The following DAB1 variants were observed in gnomAD, a reference collection of about 807,000 sequenced individuals.
DAB1 encodes the protein disabled homolog 1.
Under a neutral mutation model 64.6 loss-of-function variants are expected in DAB1, and 15 were observed. The observed-to-expected ratio is 0.23, with a 90% confidence interval of 0.16 to 0.36. The LOEUF (loss-of-function observed/expected upper bound fraction) is 0.36. Ranked by LOEUF, DAB1 falls within the 10% of genes least tolerant of loss-of-function variation. The pLI is 1.00. For missense variants in DAB1, 596 were observed against 706.7 expected (o/e 0.84, Z 1.78); for synonymous variants, 235 against 251.9 (o/e 0.93, Z 0.64).
At chr1:58,527,689 T>C (rs747692752) in intron 1 of DAB1, among the ~76,000 whole-genome samples, 2 of 152,212 alleles carry the variant, frequency 1.3e-5, no homozygotes, top group Non-Finnish European at 2.9e-5. Context: ...AGGAATATTT[T>C]GACCTTGAGT....
In DAB1 at chr1:58,497,518, C is replaced by A. The variant is rs573115853; in HGVS notation, n.257+8542G>T. Among the ~76,000 whole-genome samples the A allele has an allele frequency of 3.3e-5, 5 of 152,212 alleles. No individual in the cohort carries two copies. In the East Asian group the frequency reaches 9.6e-4, roughly 29 times the overall value. ...ATTCCAAAATAAGACTCCAGGAGAC[C>A]AGACTATGCCACCCCAAATATGCCT... On this transcript the variant is annotated intron_variant and non_coding_transcript_variant, in intron 3 of 20. Coordinates refer to the DAB1 transcript ENST00000485760.
chr1:57,770,346 C>T (rs1489580168), intron 6 of DAB1, among the ~76,000 whole-genome samples: 2 of 152,178 alleles, frequency 1.3e-5, no homozygotes, highest in African/African-American at 4.8e-5. Context: ...TAGCTCACTG[C>T]AATCTCAAAC....
chr1:57,112,742 A>G (rs187772234), intron 4 of DAB1, among the ~76,000 whole-genome samples: 4 of 152,182 alleles, frequency 2.6e-5, no homozygotes, highest in South Asian at 2.1e-4. Flanking sequence ...AAACGAATCA[A>G]TTTTTTTGTT....
chr1:58,488,854 C>G (rs780070770), intron 3 of DAB1, among the ~76,000 whole-genome samples: 1 of 152,218 alleles, frequency 6.6e-6, no homozygotes, highest in Non-Finnish European at 1.5e-5. Flanking sequence ...GCTTAGCTCC[C>G]ACTTATCAGT....
rs77667484 is a variant in DAB1, at chr1:57,098,792, G to A, written c.307-26378C>T. On this transcript the variant is annotated intron_variant, in intron 4 of 14. Transcript: ENST00000371236. ...ATTGGGGCAATTCTTCAACTTATAC[G>A]CCAAATATACCTAATCTTGATTGCC... Among the ~76,000 whole-genome samples the A allele has an allele frequency of 8.2e-3, 1,247 of 152,096 alleles. 15 individuals are homozygous for A. The highest frequency in any genetic ancestry group is 0.028 in the African/African-American group (1,170 of 41,486).
intron 2 of DAB1, among the ~76,000 whole-genome samples, chr1:58,520,984 G>A (rs938401432): frequency 2.0e-5 from 3 of 152,146 alleles, no homozygotes; most frequent in Middle Eastern, 6.8e-3. Flanking sequence ...AACACCACCC[G>A]CAATGGCAGG....
intron 7 of DAB1, among the ~76,000 whole-genome samples, chr1:57,603,856 C>T (rs1188467576): frequency 6.6e-6 from 1 of 152,180 alleles, no homozygotes; most frequent in African/African-American, 2.4e-5. Context: ...AAATGCTATT[C>T]GCCTCCTGCT....
At chr1:58,008,487 A>T (rs1423661501) in intron 5 of DAB1, among the ~76,000 whole-genome samples, 1 of 152,150 alleles carries the variant, frequency 6.6e-6, no homozygotes, top group Non-Finnish European at 1.5e-5. Flanking sequence ...TATAGCAATT[A>T]ACATTAAAAA....
At chr1:58,513,107 C>G (rs139319567) in intron 2 of DAB1, among the ~76,000 whole-genome samples, 1 of 152,192 alleles carries the variant, frequency 6.6e-6, no homozygotes, top group South Asian at 2.1e-4. Flanking sequence ...CCCCATGTGT[C>G]GAGGGAGGGA....
At chr1:57,063,312 T>C (rs1650589879) in intron 8 of DAB1, among the ~76,000 whole-genome samples, 1 of 152,166 alleles carries the variant, frequency 6.6e-6, no homozygotes, top group Non-Finnish European at 1.5e-5. Flanking sequence ...CCTGAAGTGA[T>C]TAAAAACAGT....
rs566385337 is a variant in DAB1, at chr1:57,480,194, C to T, written n.625+169398G>A. On this transcript the variant is annotated intron_variant and non_coding_transcript_variant, in intron 7 of 20. Coordinates refer to the DAB1 transcript ENST00000485760. Reference sequence around the variant, plus strand: ...ACAAAGCCAGATGGGAGCTGTGTTGCCTTTTATGATCGAAACTCTGAAATC... The same window carrying T: ...ACAAAGCCAGATGGGAGCTGTGTTGTCTTTTATGATCGAAACTCTGAAATC... Among the ~76,000 whole-genome samples the T allele has an allele frequency of 2.5e-3, 384 of 151,216 alleles. 1 individual carries two copies. Among genetic ancestry groups the T allele is most frequent in the Middle Eastern group, 0.014 (4 of 292 alleles).
chr1:57,743,892 A>G (rs1321629757), intron 6 of DAB1, among the ~76,000 whole-genome samples: 1 of 152,244 alleles, frequency 6.6e-6, no homozygotes, highest in East Asian at 1.9e-4. Flanking sequence ...AATATCCCTT[A>G]TGGGAAATGA....
intron 5 of DAB1, among the ~76,000 whole-genome samples, chr1:58,042,854 G>T (rs1319261580): frequency 6.6e-6 from 1 of 152,116 alleles, no homozygotes; most frequent in Non-Finnish European, 1.5e-5. Flanking sequence ...GAGGCGGAGG[G>T]GAGGCATTAT....
chr1:57,915,584 T>A (rs911039596), intron 5 of DAB1, among the ~76,000 whole-genome samples: 1 of 152,172 alleles, frequency 6.6e-6, no homozygotes, highest in Non-Finnish European at 1.5e-5. Flanking sequence ...CAGCTCATCT[T>A]CTTAGGAGAA....
intron 5 of DAB1, among the ~76,000 whole-genome samples, chr1:58,127,991 T>G (rs1169639471): frequency 2.6e-5 from 4 of 152,064 alleles, no homozygotes; most frequent in South Asian, 2.1e-4. Flanking sequence ...TCCAATTGTG[T>G]GAAGAAAGTC....
At chr1:57,562,129 T>C (rs1645059809) in intron 7 of DAB1, among the ~76,000 whole-genome samples, 1 of 152,116 alleles carries the variant, frequency 6.6e-6, no homozygotes, top group South Asian at 2.1e-4. Context: ...TCCCAACACT[T>C]TGGGAGGCCG....
chr1:57,888,350 T>TATA (rs1449646494), upstream of DAB1, among the ~76,000 whole-genome samples: 7 of 152,112 alleles, frequency 4.6e-5, no homozygotes, highest in Non-Finnish European at 1.5e-5. Flanking sequence ...ATACTCCCCA[T>TATA]CAGATGGATA....
intron 5 of DAB1, among the ~76,000 whole-genome samples, chr1:58,003,170 A>T (rs1168035741): frequency 6.6e-6 from 1 of 152,172 alleles, no homozygotes; most frequent in Non-Finnish European, 1.5e-5. Flanking sequence ...TAAGGATTTG[A>T]TGAAATCACA....
At chr1:57,980,048 C>T (rs1195844216) in intron 5 of DAB1, among the ~76,000 whole-genome samples, 1 of 152,186 alleles carries the variant, frequency 6.6e-6, no homozygotes, top group Admixed American at 6.6e-5. Context: ...GAGTCATCAT[C>T]TAACCAATAC....
Sources: gnomAD v4.1 joint callset for allele counts (sites outside exome capture counted in the v4.1 genomes callset) on GRCh38, gnomAD v4.1.1 for gene constraint, MANE v1.5 for transcripts, NCBI Gene and HGNC (gene_info 2026-07-23, HGNC 2026-07-21) for gene names.